CABIN1: variants seen among roughly 807,000 people sequenced by gnomAD.
The protein encoded by CABIN1 is calcineurin binding protein 1.
Under a neutral mutation model 227.7 loss-of-function variants are expected in CABIN1, and 133 were observed. The observed-to-expected ratio is 0.58, with a 90% CI of 0.51 to 0.67. The LOEUF is 0.67. Among genes scored for constraint, CABIN1 ranks in the 30% least tolerant of loss-of-function variants. The pLI is 0.00. For missense variants in CABIN1, 2,408 were observed against 2,852.5 expected, an observed-to-expected ratio of 0.84 and a Z score of 3.55; for synonymous variants, 1,086 against 1,155.1, an observed-to-expected ratio of 0.94 and a Z score of 1.21.
In CABIN1 at chr22:24,091,558, G is replaced by C. The variant is rs753434006; in HGVS notation, c.3526-25G>C. The C allele has an allele frequency of 3.1e-6, 5 of 1,614,110 alleles. No homozygotes were observed. In the South Asian group the frequency reaches 5.5e-5, roughly 18 times the overall value. On this transcript the variant is annotated intron_variant, in intron 23 of 36. Transcript: ENST00000263119. ...CTGGGCAGGTTCAGGCGTAAGGCCAGCCCAGTCTCATGATCTTCTTACAGA... is the reference window on the plus strand; with the variant it reads ...CTGGGCAGGTTCAGGCGTAAGGCCACCCCAGTCTCATGATCTTCTTACAGA...
Position 24,171,538 on chromosome 22 carries a change from C to G in CABIN1, c.5758-175C>G, listed in dbSNP as rs112870429. 0.013 allele frequency among the ~76,000 whole-genome samples: 1,993 copies of G among 152,334 alleles called. 42 individuals are homozygous for G. Among genetic ancestry groups the G allele is most frequent in the African/African-American group, 0.045 (1,872 of 41,572 alleles). ...TCAGCAGGATCCTGATGGGGTGCCTCTCTGATGGACCTTGTTGGCAGCATT... is the reference window on the plus strand; with the variant it reads ...TCAGCAGGATCCTGATGGGGTGCCTGTCTGATGGACCTTGTTGGCAGCATT... On this transcript the variant is annotated intron_variant, in intron 33 of 36. Coordinates refer to ENST00000263119, the MANE Select transcript of CABIN1 (RefSeq NM_012295.4).
rs148623569 is a variant in CABIN1 at position 24,036,130 on chromosome 22, T to G, written c.45T>G (p.Asp15Glu). The change falls in exon 3 of 37, where the codon GAT (aspartate) becomes GAG (glutamate). Residue 15 changes from aspartate (D) to glutamate (E), a missense_variant. By Grantham distance (45) the Asp-to-Glu change is conservative. Coordinates refer to ENST00000263119, the MANE Select transcript of CABIN1 (RefSeq NM_012295.4). ...TAAATGCCAGCTCCACCATTGAGGA[T>G]GATCATGAAGGAAGCTTTAAAAGTC... ...AALNASSTIE[D>E]DHEGSFKSHK... The G allele has an allele frequency of 1.0e-3, 1,635 of 1,613,668 alleles. 2 individuals carry two copies. The highest frequency in any genetic ancestry group is 1.3e-3 in the Non-Finnish European group (1,578 of 1,179,814).
intron 26 of CABIN1, chr22:24,098,404 C>T: frequency 1.9e-6 from 2 of 1,044,490 alleles, no homozygotes; most frequent in Non-Finnish European, 2.8e-6. Context: ...TGCCAGCTTG[C>T]CCACCTGGGA....
Position 24,070,846 on chromosome 22 carries a change from C to G in CABIN1, c.2279C>G (p.Ser760Cys). The change falls in exon 17 of 37, where the codon TCC becomes TGC. Residue 760 changes from serine (S) to cysteine (C), a missense_variant. This residue lies in a region of CABIN1 where 1,045 missense variants were observed against 1,168.4 expected (regional missense o/e 0.89). Transcript: ENST00000263119. ...GACTATCGGCAGTGTTTTGAGTGTT[C>G]CGATGTGGCTCTGAACGAGGCTGTC... ...LKDYRQCFEC[S>C]DVALNEAVQQ... 1 of 1,614,202 alleles carries G rather than the reference C, an allele frequency of 6.2e-7. No individual in the cohort carries two copies. Among genetic ancestry groups the G allele is most frequent in the Non-Finnish European group, 8.5e-7 (1 of 1,180,034 alleles).
chr22:24,155,346 C>T (rs2045721232), intron 29 of CABIN1, among the ~76,000 whole-genome samples: 1 of 152,102 alleles, frequency 6.6e-6, no homozygotes, highest in Non-Finnish European at 1.5e-5. Context: ...TGCAAAGCTG[C>T]TCATGTCCTG....
intron 1 of CABIN1, among the ~76,000 whole-genome samples, chr22:24,023,797 G>A (rs2035891623): frequency 6.6e-6 from 1 of 150,970 alleles, no homozygotes. Flanking sequence ...GCAGTGGTGC[G>A]ATTTTGGCTC....
chr22:24,047,218 C>T (rs922851094), intron 6 of CABIN1, among the ~76,000 whole-genome samples: 1 of 152,152 alleles, frequency 6.6e-6, no homozygotes, highest in African/African-American at 2.4e-5. Context: ...ATTTGACAGT[C>T]ATTTAAAACA....
chr22:24,145,095 A>G (rs1050966424), intron 29 of CABIN1, among the ~76,000 whole-genome samples: 1 of 152,216 alleles, frequency 6.6e-6, no homozygotes, highest in African/African-American at 2.4e-5. Flanking sequence ...CCACATGCAC[A>G]TCAGGGAGGG....
intron 27 of CABIN1, among the ~76,000 whole-genome samples, chr22:24,114,129 T>C (rs1360724652): frequency 6.6e-6 from 1 of 152,242 alleles, no homozygotes; most frequent in Non-Finnish European, 1.5e-5. Context: ...ATCCTAAATG[T>C]CACAAATGTG....
chr22:24,088,310 T>C (rs1487219148), intron 23 of CABIN1, among the ~76,000 whole-genome samples: 2 of 152,170 alleles, frequency 1.3e-5, no homozygotes, highest in African/African-American at 4.8e-5. Flanking sequence ...CATTACCGTC[T>C]TTAAAAAAAT....
chr22:24,137,379 T>C (rs547451148), intron 29 of CABIN1, among the ~76,000 whole-genome samples: 7 of 152,162 alleles, frequency 4.6e-5, no homozygotes, highest in Non-Finnish European at 7.4e-5. Context: ...ACCTCCTCCT[T>C]AGTTTCTGGG....
chr22:24,164,308 C>A (rs1240715544), intron 29 of CABIN1, 92 bp from the exon 30 acceptor site: 6 of 1,521,954 alleles, frequency 3.9e-6, no homozygotes, highest in Non-Finnish European at 5.4e-6. Flanking sequence ...CCCTTTGGCA[C>A]TGTGGCAGTT....
At chr22:24,133,956 A>C (rs201180093) in intron 28 of CABIN1, among the ~76,000 whole-genome samples, 1 of 152,166 alleles carries the variant, frequency 6.6e-6, no homozygotes, top group Non-Finnish European at 1.5e-5. Context: ...CAGGGCTGCT[A>C]TTTGGGCTTG....
At chr22:24,138,705 G>A (rs1343798558) in intron 29 of CABIN1, among the ~76,000 whole-genome samples, 1 of 152,210 alleles carries the variant, frequency 6.6e-6, no homozygotes, top group Non-Finnish European at 1.5e-5. Flanking sequence ...CCCACCAGGA[G>A]CTTCCATGTA....
rs1259733655 is a variant in CABIN1 at position 24,139,705 on chromosome 22, A to G, written c.4746+5290A>G. ...TGCTGCCCAGTCTCCTTGGGTGGAC[A>G]CATGTATGGGCCCAGTGTCTGCTCT... On this transcript the variant is annotated intron_variant, in intron 29 of 36. Coordinates refer to ENST00000263119, the MANE Select transcript of CABIN1 (RefSeq NM_012295.4). 8.5e-5 allele frequency among the ~76,000 whole-genome samples: 13 copies of G among 152,246 alleles called. No homozygotes were observed. In the East Asian group the frequency reaches 2.1e-3, roughly 25 times the overall value.
At chr22:24,162,827 T>C (rs1350859519) in intron 29 of CABIN1, among the ~76,000 whole-genome samples, 5 of 152,214 alleles carry the variant, frequency 3.3e-5, no homozygotes, top group Non-Finnish European at 7.3e-5. Flanking sequence ...GGATCCAAAC[T>C]GTGCTGGTGT....
intron 9 of CABIN1, 64 bp from the exon 10 acceptor site, chr22:24,056,128 C>T: frequency 8.1e-6 from 11 of 1,362,042 alleles, no homozygotes; most frequent in Non-Finnish European, 1.2e-5. Context: ...ATTGATGTGT[C>T]TGTGTGGTGC....
Position 24,171,822 on chromosome 22 carries a change from T to A in CABIN1, c.5867T>A (p.Val1956Asp). ...CCTGACCCTGTGCCAGCTGACTCTGTCCAGCGGCCCAGTGATGCTCACACC... is the reference window on the plus strand; with the variant it reads ...CCTGACCCTGTGCCAGCTGACTCTGACCAGCGGCCCAGTGATGCTCACACC... ...TAPDPVPADS[V>D]QRPSDAHTKP... Residue 1956 changes from valine (V) to aspartate (D), a missense_variant, in exon 34 of 37, where the codon GTC (valine) becomes GAC (aspartate). By Grantham distance (152) the Val-to-Asp change is radical. Transcript: ENST00000263119. 1 of 1,614,142 alleles carries A rather than the reference T, an allele frequency of 6.2e-7. No homozygotes were observed. The highest frequency in any genetic ancestry group is 1.1e-5 in the South Asian group (1 of 91,090).
chr22:24,172,192 T>C (rs1478196736), intron 34 of CABIN1, among the ~76,000 whole-genome samples, 197 bp downstream of exon 34: 1 of 152,198 alleles, frequency 6.6e-6, no homozygotes. Flanking sequence ...CAGCACATCC[T>C]ACATCTACCA....
Sources: gnomAD v4.1 joint callset for allele counts (sites outside exome capture counted in the v4.1 genomes callset) on GRCh38, gnomAD v4.1.1 for gene constraint, gnomAD v4.1.1 regional missense constraint, MANE v1.5 for transcripts, NCBI Gene and HGNC (gene_info 2026-07-23, HGNC 2026-07-21) for gene names.